CSMD1: variants seen among roughly 807,000 people sequenced by gnomAD.
CSMD1 encodes the protein CUB and Sushi multiple domains 1, also known as CUB and sushi domain-containing protein 1.
A neutral mutation model predicts 417.5 loss-of-function variants in CSMD1; 213 were observed. The ratio of observed to expected loss-of-function variants is 0.51; its 90% CI spans 0.46 to 0.57. CSMD1 has a LOEUF of 0.57. CSMD1 is among the 20% of genes least tolerant of loss of function. The pLI, the probability that CSMD1 is intolerant of heterozygous loss-of-function variation, is 0.00. For synonymous variants in CSMD1, 2,862 were observed against 1,736.8 expected (o/e 1.65, Z -16.11); for missense variants, 6,923 against 4,529.7 (o/e 1.53, Z -15.17).
At chr8:4,908,227 G>A (rs1454683396) in intron 1 of CSMD1, among the ~76,000 whole-genome samples, 1 of 152,146 alleles carries the variant, frequency 6.6e-6, no homozygotes, top group African/African-American at 2.4e-5. Flanking sequence ...ATTTGCTGCA[G>A]TGTTTATACT....
intron 1 of CSMD1, among the ~76,000 whole-genome samples, chr8:4,693,561 C>T (rs962085310): frequency 6.6e-6 from 1 of 152,280 alleles, no homozygotes; most frequent in African/African-American, 2.4e-5. Context: ...AAATATGCAT[C>T]AATCAAAACA....
chr8:3,709,680 G>GTTTTTTTTTTGTTTTTTTTTTTT (rs1801388374), intron 6 of CSMD1, among the ~76,000 whole-genome samples: 1 of 33,702 alleles, frequency 3.0e-5, no homozygotes, highest in Non-Finnish European at 5.7e-5. Flanking sequence ...GCAGCAGCAT[G>GTTTTTTTTTTGTTTTTTTTTTTT]TTTTTTTTTT....
intron 1 of CSMD1, among the ~76,000 whole-genome samples, chr8:4,943,489 C>A (rs1245702937): frequency 9.1e-6 from 1 of 109,290 alleles, no homozygotes; most frequent in Admixed American, 1.2e-4. Context: ...GAGTGAGACA[C>A]CGTCTCAAAA....
chr8:4,253,520 G>C (rs188114213), intron 3 of CSMD1, among the ~76,000 whole-genome samples: 2,287 of 152,210 alleles, frequency 0.015, 23 homozygotes, highest in Middle Eastern at 0.024. Context: ...CTGGGATAGA[G>C]AAAGAAGAAA....
intron 26 of CSMD1, among the ~76,000 whole-genome samples, chr8:3,243,601 C>T (rs1302891768): frequency 1.3e-5 from 2 of 151,964 alleles, no homozygotes; most frequent in African/African-American, 4.8e-5. Flanking sequence ...AGGCCATTTT[C>T]ACTTCTTTTG....
intron 46 of CSMD1, among the ~76,000 whole-genome samples, chr8:3,102,198 C>T (rs911146227): frequency 1.3e-5 from 2 of 152,112 alleles, no homozygotes; most frequent in East Asian, 1.9e-4. Context: ...TGAGCACAAT[C>T]GAATCAATCA....
At chr8:4,093,622 T>A (rs565755953) in intron 3 of CSMD1, among the ~76,000 whole-genome samples, 1 of 152,166 alleles carries the variant, frequency 6.6e-6, no homozygotes, top group Non-Finnish European at 1.5e-5. Flanking sequence ...AAAGTCGAAT[T>A]TAAGCCAACT....
chr8:3,387,732 A>C (rs1174926161), intron 17 of CSMD1, 50 bp from the exon 18 acceptor site: 2 of 1,455,418 alleles, frequency 1.4e-6, no homozygotes, highest in African/African-American at 2.8e-5. Context: ...TGGTTGATTG[A>C]AAATAATAGA....
chr8:3,499,045 G>C (rs1252897875), intron 10 of CSMD1, among the ~76,000 whole-genome samples: 1 of 152,156 alleles, frequency 6.6e-6, no homozygotes, highest in African/African-American at 2.4e-5. Context: ...CCTTGGGGGT[G>C]TCATGTTTCT....
chr8:3,093,310 G>A (rs527328631), intron 47 of CSMD1, among the ~76,000 whole-genome samples: 6 of 152,176 alleles, frequency 3.9e-5, no homozygotes, highest in Admixed American at 1.3e-4. Flanking sequence ...AGGCTTGGAG[G>A]AGAGTCCCGC....
chr8:4,704,654 G>A (rs540505867), intron 1 of CSMD1, among the ~76,000 whole-genome samples: 1 of 152,124 alleles, frequency 6.6e-6, no homozygotes, highest in South Asian at 2.1e-4. Context: ...CCTTCTACTG[G>A]TCATTTAAAG....
chr8:4,712,280 G>T (rs992714265), intron 1 of CSMD1, among the ~76,000 whole-genome samples: 4 of 152,202 alleles, frequency 2.6e-5, no homozygotes, highest in Admixed American at 2.6e-4. Flanking sequence ...GTAGGTGAGA[G>T]TACACTTCAG....
chr8:4,798,110 C>A lies in CSMD1; in HGVS notation c.86-160552G>T, dbSNP rs1011629475. Among the ~76,000 whole-genome samples the A allele has an allele frequency of 3.3e-5, 5 of 152,250 alleles. No individual in the cohort carries two copies. In the East Asian group the frequency reaches 7.7e-4, roughly 24 times the overall value. On this transcript the variant is annotated intron_variant, in intron 1 of 69. Transcript: ENST00000635120. ...AATGTGCCATGTTGGCATGCTGTAC[C>A]CAATAACTCATCATTTACATTAGGT...
intron 10 of CSMD1, among the ~76,000 whole-genome samples, chr8:3,550,552 G>A (rs1348635664): frequency 3.9e-5 from 6 of 152,188 alleles, no homozygotes; most frequent in Non-Finnish European, 7.3e-5. Flanking sequence ...AGCACATCCA[G>A]CATCTCAAAC....
intron 50 of CSMD1, among the ~76,000 whole-genome samples, chr8:3,042,393 A>G (rs377221931): frequency 3.0e-4 from 46 of 152,286 alleles, no homozygotes; most frequent in African/African-American, 1.1e-3. Flanking sequence ...TATCTAGCAC[A>G]GAGACATTTC....
At chr8:4,419,216 T>C (rs1340896778) in intron 3 of CSMD1, among the ~76,000 whole-genome samples, 1 of 152,162 alleles carries the variant, frequency 6.6e-6, no homozygotes, top group Non-Finnish European at 1.5e-5. Context: ...AGAGTTTCTG[T>C]TACAGACAGT....
chr8:4,531,160 G>C lies in CSMD1; in HGVS notation c.302+106182C>G, dbSNP rs1194478087. ...TGTGTGAGTAGGACATTTTTTGTAG[G>C]ATCTGTCACCAAATGTATATATCGC... On this transcript the variant is annotated intron_variant, in intron 2 of 69. Transcript: ENST00000635120. 3.9e-5 allele frequency among the ~76,000 whole-genome samples: 6 copies of C among 152,206 alleles called. 1 individual carries two copies. Among genetic ancestry groups the C allele is most frequent in the Middle Eastern group, 6.8e-3 (2 of 294 alleles).
At chr8:3,230,293 G>T in intron 26 of CSMD1, 62 bp from the exon 27 acceptor site, 1 of 1,351,268 alleles carries the variant, frequency 7.4e-7, no homozygotes, top group Non-Finnish European at 9.9e-7. Context: ...ATTCTTGTCG[G>T]TGTGGTTGTT....
chr8:4,754,935 G>A (rs904591372), intron 1 of CSMD1, among the ~76,000 whole-genome samples: 4 of 151,970 alleles, frequency 2.6e-5, no homozygotes, highest in African/African-American at 9.7e-5. Context: ...TCGGGAGTTC[G>A]AAACCAGCCT....
Sources: gnomAD v4.1 joint callset for allele counts (sites outside exome capture counted in the v4.1 genomes callset) on GRCh38, gnomAD v4.1.1 for gene constraint, MANE v1.5 for transcripts, NCBI Gene and HGNC (gene_info 2026-07-23, HGNC 2026-07-21) for gene names.